The following PICALM variants were observed in gnomAD, a reference collection of about 807,000 sequenced individuals.
PICALM encodes the protein phosphatidylinositol-binding clathrin assembly protein.
In PICALM, 40 loss-of-function variants were observed where a neutral mutation model predicts 80.5. That is an observed-to-expected ratio of 0.50 (90% CI 0.39 to 0.65). The LOEUF is 0.65. PICALM is among the 30% of genes least tolerant of loss of function. PICALM has a pLI of 0.00. For synonymous variants in PICALM, 288 were observed against 260.3 expected, an observed-to-expected ratio of 1.11 and a Z score of -1.02; for missense variants, 676 against 778.9, an observed-to-expected ratio of 0.87 and a Z score of 1.57.
chr11:86,027,356 C>T (rs1468999094), intron 2 of PICALM, among the ~76,000 whole-genome samples: 5 of 152,144 alleles, frequency 3.3e-5, no homozygotes, highest in African/African-American at 1.2e-4. Flanking sequence ...CCTTAGTCTC[C>T]TTCACATACA....
intron 11 of PICALM, among the ~76,000 whole-genome samples, chr11:85,997,723 G>A (rs1035485538): frequency 1.4e-4 from 21 of 152,054 alleles, no homozygotes; most frequent in Non-Finnish European, 2.5e-4. Context: ...CGCCTGCCTC[G>A]GCCTCCCAGA....
At chr11:86,059,046 A>T (rs2096313846) in intron 1 of PICALM, among the ~76,000 whole-genome samples, 1 of 152,238 alleles carries the variant, frequency 6.6e-6, no homozygotes, top group Non-Finnish European at 1.5e-5. Context: ...TTAATGCCTC[A>T]TGAGTTCCAT....
At chr11:86,047,227 C>T (rs2096088936) in intron 1 of PICALM, among the ~76,000 whole-genome samples, 1 of 152,188 alleles carries the variant, frequency 6.6e-6, no homozygotes, top group South Asian at 2.1e-4. Flanking sequence ...CTCTAAACTG[C>T]ACACATTTTC....
At chr11:85,982,071 G>A (rs1194865163) in intron 14 of PICALM, 68 bp from the exon 15 acceptor site, 2 of 1,415,434 alleles carry the variant, frequency 1.4e-6, no homozygotes, top group Admixed American at 1.7e-5. Context: ...TTCTAAAGGA[G>A]GTCTTTGCCT....
In PICALM at chr11:85,965,617, T is replaced by C. The variant is rs184236156; in HGVS notation, c.1945-6557A>G. The stretch of plus-strand genomic sequence containing the variant: ...TGATTCCTCAGCTTCCCCTGTGAGA[T>C]AGTGCTAAAAGACAGGATTTCTCTA... On this transcript the variant is annotated intron_variant, in intron 19 of 19. Coordinates refer to ENST00000393346, the MANE Select transcript of PICALM (RefSeq NM_007166.4). Among the ~76,000 whole-genome samples, 451 of 152,270 alleles carry C rather than the reference T, an allele frequency of 3.0e-3. 3 individuals are homozygous for C. The highest frequency in any genetic ancestry group is 0.01 in the African/African-American group (433 of 41,550).
intron 17 of PICALM, among the ~76,000 whole-genome samples, chr11:85,979,954 C>G (rs2094393695): frequency 6.6e-6 from 1 of 152,186 alleles, no homozygotes; most frequent in African/African-American, 2.4e-5. Flanking sequence ...TCTGGGTCTA[C>G]CATACCTTAC....
intron 1 of PICALM, among the ~76,000 whole-genome samples, chr11:86,060,476 A>G (rs1163423481): frequency 6.6e-6 from 1 of 152,220 alleles, no homozygotes; most frequent in Non-Finnish European, 1.5e-5. Context: ...ACCTATGGCA[A>G]TATCACACAC....
chr11:85,980,982 G>T (rs993666282), intron 17 of PICALM, 147 bp downstream of exon 17: 21 of 550,450 alleles, frequency 3.8e-5, no homozygotes, highest in Non-Finnish European at 5.8e-5. Context: ...TAGGCAACCA[G>T]CTTCCTTTGA....
At chr11:86,027,515 T>G (rs961685073) in intron 2 of PICALM, among the ~76,000 whole-genome samples, 3 of 151,434 alleles carry the variant, frequency 2.0e-5, no homozygotes, top group Admixed American at 2.0e-4. Flanking sequence ...TTTTTTTTTT[T>G]GAGACAGGGT....
chr11:85,968,290 CA>C (rs1279943016), intron 19 of PICALM, among the ~76,000 whole-genome samples: 1 of 53,146 alleles, frequency 1.9e-5, no homozygotes, highest in Non-Finnish European at 3.7e-5. Flanking sequence ...GACCCTGTCT[CA>C]AAAAAACAAA....
chr11:85,987,867 C>A (rs1209888398), intron 13 of PICALM, among the ~76,000 whole-genome samples: 2 of 152,226 alleles, frequency 1.3e-5, no homozygotes, highest in African/African-American at 4.8e-5. Context: ...TCAGGACAAT[C>A]CTGCAAGACA....
chr11:85,976,700 A>G lies in PICALM; in HGVS notation c.1780-18T>C, dbSNP rs753562207. The G allele has an allele frequency of 5.4e-6, 8 of 1,489,494 alleles. No individual in the cohort carries two copies. In the South Asian group the frequency reaches 9.0e-5, roughly 17 times the overall value. 92.3% of individuals were successfully genotyped at this position (1,489,494 alleles called of 1,614,324 possible). The stretch of plus-strand genomic sequence containing the variant: ...GGGGGTGCCTAACATAGTGAAAGGA[A>G]AAATGAACAAGAAAGTATAACTCAT... On this transcript the variant is annotated intron_variant, in intron 17 of 19. Coordinates refer to ENST00000393346, the MANE Select transcript of PICALM (RefSeq NM_007166.4).
intron 13 of PICALM, among the ~76,000 whole-genome samples, chr11:85,987,653 TGAGA>T (rs1250737527): frequency 6.6e-6 from 1 of 152,260 alleles, no homozygotes; most frequent in South Asian, 2.1e-4. Flanking sequence ...TTAAATTTTC[TGAGA>T]GATAGGGTCT....
In PICALM at chr11:86,068,807, C is replaced by T. The variant is rs1459034609; in HGVS notation, c.-27G>A. On this transcript the variant is annotated 5_prime_UTR_variant, in exon 1 of 20. Coordinates refer to ENST00000393346, the MANE Select transcript of PICALM (RefSeq NM_007166.4). ...TCTGCAGCTCCTCCACCACCCCACC[C>T]GCTCAGCAGCCGGCGGGGACTGGGA... 6 of 1,583,180 alleles carry T rather than the reference C, an allele frequency of 3.8e-6. No homozygotes were observed. In the Admixed American group the frequency reaches 8.8e-5, roughly 23 times the overall value.
intron 4 of PICALM, among the ~76,000 whole-genome samples, chr11:86,017,306 A>G (rs189147285): frequency 6.6e-6 from 1 of 152,224 alleles, no homozygotes; most frequent in East Asian, 1.9e-4. Context: ...AAAATATAAA[A>G]CACCTAATCC....
At chr11:86,038,562 C>G (rs1025297939) in intron 1 of PICALM, among the ~76,000 whole-genome samples, 6 of 151,960 alleles carry the variant, frequency 3.9e-5, no homozygotes, top group African/African-American at 1.2e-4. Context: ...GCGGGTGGAT[C>G]ATGAGGTCAG....
rs538517192 is a variant in PICALM, at chr11:86,028,759, T to C, written c.274-2392A>G. Among the ~76,000 whole-genome samples, 5 of 152,286 alleles carry C rather than the reference T, an allele frequency of 3.3e-5. No homozygotes were observed. In the East Asian group the frequency reaches 9.6e-4, roughly 29 times the overall value. On this transcript the variant is annotated intron_variant, in intron 2 of 19. Coordinates refer to ENST00000393346, the MANE Select transcript of PICALM (RefSeq NM_007166.4). Reference sequence around the variant, plus strand: ...AGATTTTTCTCTGTGGCCAGGTTTCTCAACCTGAGTACTCTGACACTGAAT... The same window carrying C: ...AGATTTTTCTCTGTGGCCAGGTTTCCCAACCTGAGTACTCTGACACTGAAT...
intron 19 of PICALM, among the ~76,000 whole-genome samples, chr11:85,971,342 T>C (rs2094105678): frequency 6.6e-6 from 1 of 152,216 alleles, no homozygotes; most frequent in Non-Finnish European, 1.5e-5. Context: ...TTTCTGTCCC[T>C]GTTTTTTTTC....
Position 85,958,854 on chromosome 11 carries a change from C to G in PICALM, c.*192G>C. ...TCATAGCAATTCTTGGCTTTATAAACTGTATTGATACGTTCTCCTATAAAC... is the reference window on the plus strand; with the variant it reads ...TCATAGCAATTCTTGGCTTTATAAAGTGTATTGATACGTTCTCCTATAAAC... On this transcript the variant is annotated 3_prime_UTR_variant, in exon 20 of 20. Coordinates refer to ENST00000393346, the MANE Select transcript of PICALM (RefSeq NM_007166.4). The G allele has an allele frequency of 2.2e-6, 1 of 449,070 alleles. No individual in the cohort carries two copies. The highest frequency in any genetic ancestry group is 4.1e-6 in the Non-Finnish European group (1 of 246,346). The allele number at this position is 449,070 out of a possible 1,614,324, so 27.8% of individuals were successfully genotyped here. A position where few individuals can be genotyped will look rare whatever the true frequency, so the allele number is the denominator to read the frequency against.
Sources: gnomAD v4.1 joint callset for allele counts (sites outside exome capture counted in the v4.1 genomes callset) on GRCh38, gnomAD v4.1.1 for gene constraint, MANE v1.5 for transcripts, NCBI Gene and HGNC (gene_info 2026-07-23, HGNC 2026-07-21) for gene names.